LIFR: variants seen among roughly 807,000 people sequenced by gnomAD.
LIFR encodes LIF receptor subunit alpha.
In LIFR, 84 loss-of-function variants were observed where a neutral mutation model predicts 122.2. That is an observed-to-expected ratio of 0.69 (90% CI 0.58 to 0.82). LIFR has a LOEUF of 0.82. Among genes scored for constraint, LIFR ranks in the 40% least tolerant of loss-of-function variants. LIFR has a pLI of 0.00. For synonymous variants in LIFR, 422 were observed against 434.7 expected, an observed-to-expected ratio of 0.97 and a Z score of 0.36; for missense variants, 1,294 against 1,311.6, an observed-to-expected ratio of 0.99 and a Z score of 0.21.
Position 38,505,903 on chromosome 5 carries a change from A to G in LIFR, c.1291+2T>C. ...TAAGACATTAGTTTATGTACAGCTTACCTTTTTCAGTTATATTAACTAAAA... is the reference window on the plus strand; with the variant it reads ...TAAGACATTAGTTTATGTACAGCTTGCCTTTTTCAGTTATATTAACTAAAA... On this transcript the variant is annotated splice_donor_variant, in intron 9 of 19. Coordinates refer to ENST00000453190, the MANE Select transcript of LIFR (RefSeq NM_001127671.2). LOFTEE classifies it high-confidence loss of function. 1 of 1,597,676 alleles carries G rather than the reference A, an allele frequency of 6.3e-7. No individual in the cohort carries two copies. The highest frequency in any genetic ancestry group is 8.6e-7 in the Non-Finnish European group (1 of 1,168,742).
At position 38,482,616 on chromosome 5, in the gene LIFR, T is replaced by C. The variant is rs141565142; in HGVS notation, c.2643A>G (p.Ala881=). Residue 881 remains alanine, a synonymous_variant, in exon 19 of 20, where the codon GCA becomes GCG. Coordinates refer to ENST00000453190, the MANE Select transcript of LIFR (RefSeq NM_001127671.2). The stretch of plus-strand genomic sequence containing the variant: ...CACAGACACTCTTTTGAAACTGTAA[T>C]GCTTTACAGTTTTCTGGATTTGGAA... The part of the protein sequence containing the change: ...PDIPNPENCK[A]LQFQKSVCEG... The C allele has an allele frequency of 1.5e-5, 23 of 1,503,756 alleles. No individual in the cohort carries two copies. In the South Asian group the frequency reaches 2.3e-4, roughly 15 times the overall value. The allele number at this position is 1,503,756 out of a possible 1,614,324, so 93.2% of individuals were successfully genotyped here.
At chr5:38,589,553 C>A (rs1749857163) in intron 1 of LIFR, among the ~76,000 whole-genome samples, 1 of 151,844 alleles carries the variant, frequency 6.6e-6, no homozygotes, top group African/African-American at 2.4e-5. Flanking sequence ...AAATCTAGTA[C>A]CATCAAATTT....
At chr5:38,524,043 G>C (rs146867859) in intron 4 of LIFR, among the ~76,000 whole-genome samples, 1 of 152,194 alleles carries the variant, frequency 6.6e-6, no homozygotes, top group Admixed American at 6.5e-5. Flanking sequence ...GGAACCTACA[G>C]GTAGGCAACA....
In LIFR at chr5:38,499,575, T is replaced by C. The variant is rs763791874; in HGVS notation, c.1609A>G (p.Lys537Glu). Residue 537 changes from lysine to glutamate, a missense_variant, in exon 12 of 20, where the codon AAG becomes GAG. Lys to Glu is a moderately conservative substitution (Grantham distance 56). Transcript: ENST00000453190. ...CACTCTCTCCAAGTATCAGGCCCCT[T>C]TGAAGGACCTAAAAAGGAGATTTTA... Reference protein sequence around the residue: ...QHLTTEASPSKGPDTWREWSS... With the variant: ...QHLTTEASPSEGPDTWREWSS... 8.1e-6 allele frequency: 13 copies of C among 1,605,128 alleles called. No homozygotes were observed. The South Asian group carries it at 8.8e-5, about 11-fold the overall frequency.
intron 1 of LIFR, among the ~76,000 whole-genome samples, chr5:38,565,627 G>T (rs1170808988): frequency 2.8e-5 from 4 of 143,358 alleles, no homozygotes; most frequent in African/African-American, 1.0e-4. Context: ...CGCTCTTGTT[G>T]CCCAGGCTGG....
chr5:38,484,620 T>C (rs1169312840), intron 18 of LIFR, among the ~76,000 whole-genome samples, 155 bp downstream of exon 18: 1 of 152,266 alleles, frequency 6.6e-6, no homozygotes, highest in African/African-American at 2.4e-5. Context: ...GTCATGTTCT[T>C]AATATTAAAT....
intron 3 of LIFR, among the ~76,000 whole-genome samples, chr5:38,528,079 C>A (rs1746786836): frequency 6.6e-6 from 1 of 152,152 alleles, no homozygotes; most frequent in Admixed American, 6.5e-5. Flanking sequence ...TGCAAAAACA[C>A]CTGAATTCTC....
chr5:38,511,920 G>C lies in LIFR; in HGVS notation c.606C>G (p.His202Gln). The change falls in exon 6 of 20, where the codon CAC becomes CAG. Residue 202 changes from histidine (H) to glutamine (Q), a missense_variant. Physicochemically the swap from His to Gln is conservative, Grantham distance 24. Transcript: ENST00000453190. ...AGGGCATATCTGAGGCCCAACTCCA[G>C]TGATGAAGTGTATCTTTGCCATTCA... Reference protein sequence around the residue: ...TTLNGKDTLHHWSWASDMPLE... With the variant: ...TTLNGKDTLHQWSWASDMPLE... 6.2e-7 allele frequency: 1 copy of C among 1,614,124 alleles called. No individual in the cohort carries two copies.
chr5:38,509,758 A>G (rs1002632635), intron 7 of LIFR, among the ~76,000 whole-genome samples: 6 of 152,204 alleles, frequency 3.9e-5, no homozygotes, highest in Admixed American at 2.6e-4. Context: ...GCTACAAGGA[A>G]GGGAGGCAGA....
chr5:38,555,709 A>G (rs1181496895), intron 1 of LIFR, among the ~76,000 whole-genome samples: 1 of 124,046 alleles, frequency 8.1e-6, no homozygotes, highest in Non-Finnish European at 1.8e-5. Flanking sequence ...TGGTAGCGGA[A>G]TGTGGGGGGT....
chr5:38,597,754 A>T (rs1025129682), upstream of LIFR, among the ~76,000 whole-genome samples: 4 of 152,196 alleles, frequency 2.6e-5, no homozygotes, highest in African/African-American at 9.6e-5. Flanking sequence ...GTAGATGACC[A>T]GCTGGAGACG....
chr5:38,581,376 C>T (rs1007653734), intron 1 of LIFR, among the ~76,000 whole-genome samples: 3 of 152,084 alleles, frequency 2.0e-5, no homozygotes, highest in African/African-American at 7.2e-5. Context: ...TTTCTCTAAA[C>T]GCGGAGTCTA....
Position 38,481,371 on chromosome 5 carries a change from C to T in LIFR, c.*224G>A. 1 of 584,112 alleles carries T rather than the reference C, an allele frequency of 1.7e-6. No individual in the cohort carries two copies. Among genetic ancestry groups the T allele is most frequent in the South Asian group, 2.0e-5 (1 of 49,388 alleles). 36.2% of individuals were successfully genotyped at this position (584,112 alleles called of 1,614,324 possible). The stretch of plus-strand genomic sequence containing the variant: ...AATTCTTTGGCTTGATCACAAAGAG[C>T]TCCCAATCTTGAGTTTTGTGGATTG... On this transcript the variant is annotated 3_prime_UTR_variant, in exon 20 of 20. Coordinates refer to ENST00000453190, the MANE Select transcript of LIFR (RefSeq NM_001127671.2).
At chr5:38,507,367 C>T (rs1185899691) in intron 7 of LIFR, among the ~76,000 whole-genome samples, 4 of 151,614 alleles carry the variant, frequency 2.6e-5, no homozygotes, top group East Asian at 1.9e-4. Flanking sequence ...AGTTTGAGAC[C>T]AGCCTGGCCA....
At chr5:38,598,489 G>A (rs327298), upstream of LIFR, among the ~76,000 whole-genome samples, 3 of 151,510 alleles carry the variant, frequency 2.0e-5, no homozygotes, top group Non-Finnish European at 2.9e-5. Flanking sequence ...TAGGTGATCC[G>A]CCTGCCTCGG....
chr5:38,607,506 CA>C (rs1750351722), intron 1 of LIFR: 1 of 140,244 alleles, frequency 7.1e-6, no homozygotes. Flanking sequence ...CACTCTCTCT[CA>C]TATGCACTCT....
intron 1 of LIFR, among the ~76,000 whole-genome samples, chr5:38,582,431 T>C (rs1223329557): frequency 6.6e-6 from 1 of 152,164 alleles, no homozygotes; most frequent in Non-Finnish European, 1.5e-5. Context: ...CACTAAATAC[T>C]TACATCGTTT....
rs571342859 is a variant in LIFR, at chr5:38,501,666, G to A, written c.1600+971C>T. On this transcript the variant is annotated intron_variant, in intron 11 of 19. Coordinates refer to ENST00000453190, the MANE Select transcript of LIFR (RefSeq NM_001127671.2). ...TGAGGCAGGAGAATCACTTGAACCCGGGAGGCGGACATTGCAGTGAGCCGA... is the reference window on the plus strand; with the variant it reads ...TGAGGCAGGAGAATCACTTGAACCCAGGAGGCGGACATTGCAGTGAGCCGA... Among the ~76,000 whole-genome samples, 15 of 152,178 alleles carry A rather than the reference G, an allele frequency of 9.9e-5. No individual in the cohort carries two copies. In the East Asian group the frequency reaches 2.7e-3, roughly 27 times the overall value.
chr5:38,499,556 C>G lies in LIFR; in HGVS notation c.1628G>C (p.Arg543Thr), dbSNP rs764653648. The change falls in exon 12 of 20, where the codon AGA becomes ACA. Residue 543 changes from arginine (R) to threonine (T), a missense_variant. Coordinates refer to ENST00000453190, the MANE Select transcript of LIFR (RefSeq NM_001127671.2). ...ASPSKGPDTW[R>T]EWSSDGKNLI... ...ATTTTTTCCATCAGAACTCCACTCT[C>G]TCCAAGTATCAGGCCCCTTTGAAGG... is the stretch of plus-strand genomic sequence containing the variant. 1.9e-6 allele frequency: 3 copies of G among 1,608,802 alleles called. No individual in the cohort carries two copies. Among genetic ancestry groups the G allele is most frequent in the Non-Finnish European group, 2.6e-6 (3 of 1,175,164 alleles).
Sources: gnomAD v4.1 joint callset for allele counts (sites outside exome capture counted in the v4.1 genomes callset) on GRCh38, gnomAD v4.1.1 for gene constraint, MANE v1.5 for transcripts, NCBI Gene and HGNC (gene_info 2026-07-23, HGNC 2026-07-21) for gene names.